ST7: variants seen among roughly 807,000 people sequenced by gnomAD.
The protein encoded by ST7 is suppression of tumorigenicity 7.
ST7 carries 28 observed loss-of-function variants against 78.7 expected under a neutral mutation model. The ratio of observed to expected loss-of-function variants is 0.36; its 90% CI spans 0.26 to 0.49. The LOEUF is 0.49. Ranked by LOEUF, ST7 falls within the 20% of genes least tolerant of loss-of-function variation. The pLI is 0.99. For synonymous variants in ST7, 247 were observed against 249.6 expected (o/e 0.99, Z 0.10); for missense variants, 418 against 696.0 (o/e 0.60, Z 4.49).
At chr7:117,216,757 A>G (rs1792719745) in intron 13 of ST7, among the ~76,000 whole-genome samples, 1 of 152,158 alleles carries the variant, frequency 6.6e-6, no homozygotes, top group Non-Finnish European at 1.5e-5. Context: ...TAGTGAAGCC[A>G]AAAGCCTTAA....
chr7:117,120,030 G>A (rs1050498128), intron 3 of ST7, among the ~76,000 whole-genome samples: 1 of 151,864 alleles, frequency 6.6e-6, no homozygotes, highest in Non-Finnish European at 1.5e-5. Context: ...TTATGCTCGG[G>A]TGATCCTCCT....
At chr7:117,097,908 A>ATATATATATATTTTTT in intron 1 of ST7, among the ~76,000 whole-genome samples, 10 of 30,012 alleles carry the variant, frequency 3.3e-4, no homozygotes, top group East Asian at 3.4e-3. Context: ...ATATATATAT[A>ATATATATATATTTTTT]TTTTTTTTTT....
At chr7:117,017,692 T>G (rs1012926518) in intron 1 of ST7, among the ~76,000 whole-genome samples, 4 of 152,166 alleles carry the variant, frequency 2.6e-5, no homozygotes, top group Non-Finnish European at 5.9e-5. Context: ...TTTTTCTTCA[T>G]TACATTTTCT....
intron 14 of ST7, among the ~76,000 whole-genome samples, chr7:117,220,026 T>G (rs543249138): frequency 6.6e-6 from 1 of 152,328 alleles, no homozygotes; most frequent in South Asian, 2.1e-4. Flanking sequence ...CCCTTCTCTG[T>G]CCTCTCTCCT....
intron 1 of ST7, among the ~76,000 whole-genome samples, chr7:117,083,159 A>T (rs1799909995): frequency 6.6e-6 from 1 of 150,722 alleles, no homozygotes; most frequent in African/African-American, 2.5e-5. Context: ...TCCCAGTTTC[A>T]AGCGATTCTC....
intron 1 of ST7, among the ~76,000 whole-genome samples, chr7:116,970,901 A>G (rs1793384447): frequency 6.6e-6 from 1 of 151,806 alleles, no homozygotes; most frequent in Admixed American, 6.6e-5. Context: ...TATTTTTTGG[A>G]GGGACTGGTT....
chr7:117,040,384 A>G (rs1490739755), intron 1 of ST7, among the ~76,000 whole-genome samples: 4 of 152,054 alleles, frequency 2.6e-5, no homozygotes, highest in African/African-American at 9.7e-5. Flanking sequence ...AAAAAAAAAG[A>G]GTTAGAAACA....
intron 1 of ST7, among the ~76,000 whole-genome samples, chr7:117,060,461 A>G (rs570313729): frequency 1.3e-5 from 2 of 152,344 alleles, no homozygotes; most frequent in East Asian, 3.9e-4. Flanking sequence ...GCACAATCTT[A>G]TCAAGTCATT....
intron 12 of ST7, among the ~76,000 whole-genome samples, chr7:117,202,938 C>G (rs1811016887): frequency 6.6e-6 from 1 of 152,182 alleles, no homozygotes; most frequent in Non-Finnish European, 1.5e-5. Flanking sequence ...TGCACATACT[C>G]AAGTCCCCCA....
At chr7:117,111,733 A>T (rs1389541551) in intron 2 of ST7, among the ~76,000 whole-genome samples, 1 of 152,128 alleles carries the variant, frequency 6.6e-6, no homozygotes, top group Non-Finnish European at 1.5e-5. Flanking sequence ...ATCCACAAGA[A>T]CTGCACCTGT....
At chr7:117,061,222 G>A (rs1798337652) in intron 1 of ST7, among the ~76,000 whole-genome samples, 1 of 152,164 alleles carries the variant, frequency 6.6e-6, no homozygotes, top group African/African-American at 2.4e-5. Context: ...TCTCTGAGAT[G>A]TGTGGGCTGT....
At chr7:117,050,128 T>G (rs1437301919) in intron 1 of ST7, among the ~76,000 whole-genome samples, 3 of 149,798 alleles carry the variant, frequency 2.0e-5, no homozygotes, top group Non-Finnish European at 3.0e-5. Flanking sequence ...GCCAGGAGAA[T>G]CACTTGAACC....
intron 1 of ST7, chr7:116,968,293 C>CTCCT (rs374262213): frequency 3.7e-4 from 2 of 5,352 alleles, no homozygotes; most frequent in Admixed American, 2.8e-3. Context: ...CCCTCCCTCC[C>CTCCT]TCCTTCCTTC....
intron 1 of ST7, among the ~76,000 whole-genome samples, chr7:117,054,213 C>T (rs551710486): frequency 1.6e-4 from 25 of 152,248 alleles, no homozygotes; most frequent in East Asian, 1.2e-3. Flanking sequence ...AAAATCTGTG[C>T]GCACACCCCT....
intron 1 of ST7, among the ~76,000 whole-genome samples, chr7:117,086,961 G>A (rs1168559906): frequency 1.3e-5 from 2 of 152,172 alleles, no homozygotes; most frequent in South Asian, 2.1e-4. Flanking sequence ...CCTGTGTGGT[G>A]GTTTCCCCTG....
At chr7:116,968,628 A>G in intron 1 of ST7, 2 of 212,866 alleles carry the variant, frequency 9.4e-6, no homozygotes, top group South Asian at 1.4e-4. Flanking sequence ...GATGACCAAG[A>G]CATGGTCCCT....
intron 1 of ST7, chr7:116,954,860 A>G (rs1386141126): frequency 3.3e-6 from 1 of 299,608 alleles, no homozygotes; most frequent in Non-Finnish European, 6.5e-6. Flanking sequence ...ACGCTTTTTA[A>G]AACGCTTGAG....
intron 1 of ST7, among the ~76,000 whole-genome samples, chr7:117,087,056 G>A (rs1230073517): frequency 2.6e-5 from 4 of 152,106 alleles, no homozygotes; most frequent in Non-Finnish European, 4.4e-5. Context: ...CTTCTTTTGC[G>A]GGGCAGATTT....
intron 1 of ST7, among the ~76,000 whole-genome samples, chr7:117,062,598 TTTTCTGGAACATTA>T (rs1798416415): frequency 6.6e-6 from 1 of 152,210 alleles, no homozygotes; most frequent in South Asian, 2.1e-4. Flanking sequence ...TCCCTTTTCC[TTTTCTGGAACATTA>T]TATTTAATAC....
Sources: allele counts gnomAD v4.1 joint callset (sites outside exome capture counted in the v4.1 genomes callset), GRCh38; gene constraint gnomAD v4.1.1; transcripts MANE v1.5; gene names NCBI Gene and HGNC (gene_info 2026-07-23, HGNC 2026-07-21).